Variants in PDE8B observed in about 807,000 individuals in gnomAD.
The protein encoded by PDE8B is high affinity cAMP-specific and IBMX-insensitive 3',5'-cyclic phosphodiesterase 8B.
A neutral mutation model predicts 101.3 loss-of-function variants in PDE8B; 26 were observed. The ratio of observed to expected loss-of-function variants is 0.26; its 90% CI spans 0.19 to 0.36. PDE8B has a LOEUF of 0.36. Among genes scored for constraint, PDE8B ranks in the 10% least tolerant of loss-of-function variants. The pLI, the probability that PDE8B is intolerant of heterozygous loss-of-function variation, is 1.00. For synonymous variants in PDE8B, 424 were observed against 429.3 expected (o/e 0.99, Z 0.15); for missense variants, 810 against 1,163.1 (o/e 0.70, Z 4.42).
At chr5:77,154,583 G>A in the PDE8B span, among the ~76,000 whole-genome samples, 34 of 152,174 alleles carry the variant, frequency 2.2e-4, no homozygotes, top group Admixed American at 5.2e-4. Flanking sequence ...GTGGGGTGGG[G>A]ATACTAGGCA....
At chr5:77,278,008 A>G (rs1764182634) in intron 1 of PDE8B, among the ~76,000 whole-genome samples, 1 of 152,124 alleles carries the variant, frequency 6.6e-6, no homozygotes. Context: ...GAGGCTGTTG[A>G]GCTAATCAGA....
chr5:77,337,538 A>G (rs1189912854), intron 6 of PDE8B, among the ~76,000 whole-genome samples: 2 of 152,170 alleles, frequency 1.3e-5, no homozygotes, highest in Non-Finnish European at 2.9e-5. Flanking sequence ...ATTTTCCACT[A>G]TTTACAGAAT....
the PDE8B span, chr5:77,106,328 A>G: frequency 6.6e-6 from 1 of 152,084 alleles, no homozygotes; most frequent in African/African-American, 2.4e-5. Flanking sequence ...ATATAATTTG[A>G]GTTAATTGTT....
At chr5:77,326,165 A>G (rs1458204188) in intron 3 of PDE8B, among the ~76,000 whole-genome samples, 1 of 152,226 alleles carries the variant, frequency 6.6e-6, no homozygotes, top group Non-Finnish European at 1.5e-5. Flanking sequence ...ATCCCATAGC[A>G]GGCTTCCCAG....
upstream of PDE8B, among the ~76,000 whole-genome samples, chr5:77,205,534 TTTTAAA>T (rs1415380888): frequency 7.2e-5 from 11 of 152,244 alleles, no homozygotes; most frequent in South Asian, 2.1e-4. Context: ...ATTCTCTCCC[TTTTAAA>T]TTTATTTTCC....
chr5:77,346,076 C>T (rs1392988500), intron 7 of PDE8B, among the ~76,000 whole-genome samples: 1 of 152,228 alleles, frequency 6.6e-6, no homozygotes, highest in Non-Finnish European at 1.5e-5. Context: ...GGCCAAGGAA[C>T]TTATCCAAGG....
the PDE8B span, among the ~76,000 whole-genome samples, chr5:77,150,776 TC>T: frequency 6.6e-6 from 1 of 152,148 alleles, no homozygotes. Context: ...GTGTATTTAT[TC>T]CATCCTTACA....
the PDE8B span, among the ~76,000 whole-genome samples, chr5:77,125,123 G>A: frequency 6.6e-6 from 1 of 152,152 alleles, no homozygotes; most frequent in African/African-American, 2.4e-5. Context: ...CTCTGGGGTA[G>A]CTGGGACTAC....
intron 10 of PDE8B, among the ~76,000 whole-genome samples, chr5:77,378,504 T>C (rs1281129051): frequency 6.6e-6 from 1 of 151,184 alleles, no homozygotes; most frequent in South Asian, 2.1e-4. Flanking sequence ...CCAAAGATCT[T>C]TTCTCAAAAC....
At chr5:77,366,340 G>A (rs1200687311) in intron 10 of PDE8B, among the ~76,000 whole-genome samples, 1 of 152,216 alleles carries the variant, frequency 6.6e-6, no homozygotes, top group Admixed American at 6.5e-5. Context: ...AGGAGATGCA[G>A]CAAACGGCTG....
At chr5:77,407,621 A>G (rs1441894545) in intron 13 of PDE8B, among the ~76,000 whole-genome samples, 164 bp downstream of exon 13, 6 of 152,238 alleles carry the variant, frequency 3.9e-5, no homozygotes, top group Non-Finnish European at 7.3e-5. Context: ...AGTCACAATC[A>G]GGGCAGTGAA....
the PDE8B span, among the ~76,000 whole-genome samples, chr5:77,127,918 G>C: frequency 6.6e-6 from 1 of 152,176 alleles, no homozygotes; most frequent in Non-Finnish European, 1.5e-5. Flanking sequence ...TTGGCGTTCT[G>C]TCTCCTCTAT....
chr5:77,097,723 A>C, the PDE8B span, among the ~76,000 whole-genome samples: 7 of 45,172 alleles, frequency 1.5e-4, no homozygotes, highest in Admixed American at 3.9e-4. Context: ...ATATATATAT[A>C]TATATATATA....
intron 1 of PDE8B, chr5:77,246,955 A>G (rs568379083): frequency 2.4e-4 from 37 of 152,296 alleles, no homozygotes; most frequent in African/African-American, 8.2e-4. Context: ...CTCATATTTC[A>G]TATTTATAAA....
chr5:77,388,269 C>T (rs544443852), intron 10 of PDE8B, among the ~76,000 whole-genome samples: 28 of 152,246 alleles, frequency 1.8e-4, no homozygotes, highest in East Asian at 5.8e-4. Flanking sequence ...TCTGAGTAGA[C>T]GTCCTTTTTG....
intron 3 of PDE8B, among the ~76,000 whole-genome samples, chr5:77,327,625 A>G (rs1776282039): frequency 6.6e-6 from 1 of 152,138 alleles, no homozygotes; most frequent in Non-Finnish European, 1.5e-5. Flanking sequence ...TGGTATTTCC[A>G]CTGAGTATCC....
chr5:77,420,945 C>T (rs6881121), intron 19 of PDE8B, among the ~76,000 whole-genome samples: 6,698 of 152,250 alleles, frequency 0.044, 498 homozygotes, highest in African/African-American at 0.15. Context: ...TCTTAAACCC[C>T]CCAAATGTCA....
At chr5:77,284,710 A>C (rs1208258979) in intron 1 of PDE8B, among the ~76,000 whole-genome samples, 1 of 152,194 alleles carries the variant, frequency 6.6e-6, no homozygotes, top group Non-Finnish European at 1.5e-5. Context: ...TTGAACGTTA[A>C]GTAAAATGAA....
intron 1 of PDE8B, among the ~76,000 whole-genome samples, chr5:77,258,747 A>G (rs1387690586): frequency 6.6e-6 from 1 of 152,094 alleles, no homozygotes; most frequent in Non-Finnish European, 1.5e-5. Flanking sequence ...CAAAACTCCC[A>G]TCTCCCATTA....
Sources: allele counts gnomAD v4.1 joint callset (sites outside exome capture counted in the v4.1 genomes callset), GRCh38; gene constraint gnomAD v4.1.1; transcripts MANE v1.5; gene names NCBI Gene and HGNC (gene_info 2026-07-23, HGNC 2026-07-21).